The following PCDHA4 variants were observed in gnomAD, a reference collection of about 807,000 sequenced individuals.
The protein encoded by PCDHA4 is protocadherin alpha-4.
PCDHA4 carries 49 observed loss-of-function variants against 61.4 expected under a neutral mutation model. That is an observed-to-expected ratio of 0.80 (90% CI 0.63 to 1.01). The LOEUF (loss-of-function observed/expected upper bound fraction) is 1.01, where lower values mean the gene tolerates loss of function less well. PCDHA4 is among the 50% of genes least tolerant of loss of function. The pLI, the probability that PCDHA4 is intolerant of heterozygous loss-of-function variation, is 0.00. For synonymous variants in PCDHA4, 590 were observed against 550.3 expected (o/e 1.07, Z -1.01); for missense variants, 1,254 against 1,235.8 (o/e 1.01, Z -0.22).
chr5:140,953,713 A>T (rs1372806666), intron 1 of PCDHA4, among the ~76,000 whole-genome samples: 1 of 152,218 alleles, frequency 6.6e-6, no homozygotes, highest in Admixed American at 6.5e-5. Context: ...TGAGCTTCAG[A>T]CATTGTGTTT....
Position 140,977,158 on chromosome 5 carries a change from A to G in PCDHA4, c.2386-1791A>G, listed in dbSNP as rs6862693. Among the ~76,000 whole-genome samples, 983 of 152,340 alleles carry G rather than the reference A, an allele frequency of 6.5e-3. 6 individuals carry two copies. The highest frequency in any genetic ancestry group is 0.023 in the African/African-American group (951 of 41,586). ...CAGTCCTGCTGGAACTGTGCCTTTC[A>G]GCAAAATGAGTTTGATGATTTCATT... On this transcript the variant is annotated intron_variant, in intron 1 of 3. Transcript: ENST00000530339.
chr5:140,959,729 C>T (rs910806194), intron 1 of PCDHA4, among the ~76,000 whole-genome samples: 3 of 152,126 alleles, frequency 2.0e-5, no homozygotes, highest in South Asian at 4.1e-4. Context: ...ATAACATTAT[C>T]TCATCAAAAT....
chr5:140,937,599 A>T (rs2091614434), intron 1 of PCDHA4, among the ~76,000 whole-genome samples: 3 of 151,728 alleles, frequency 2.0e-5, no homozygotes, highest in African/African-American at 7.3e-5. Context: ...CCTGGGCAAC[A>T]GAGTGATACT....
chr5:140,823,587 T>G (rs2150127210), intron 1 of PCDHA4: 9 of 1,613,996 alleles, frequency 5.6e-6, no homozygotes, highest in East Asian at 2.2e-5. Context: ...GCTACAACGC[T>G]TGGCTTTCGT....
At chr5:140,982,650 CTCTTTT>C (rs2096993978) in intron 3 of PCDHA4, 87 bp downstream of exon 3, 1 of 1,507,000 alleles carries the variant, frequency 6.6e-7, no homozygotes, top group South Asian at 1.3e-5. Context: ...ATGTTGATGG[CTCTTTT>C]TCTTTTATAT....
intron 1 of PCDHA4, chr5:140,876,767 C>G (rs1462172871): frequency 6.2e-7 from 1 of 1,614,076 alleles, no homozygotes. Flanking sequence ...GATGGGGGCT[C>G]GCCTTCGCTG....
At chr5:140,904,471 C>G (rs2071156688) in intron 1 of PCDHA4, among the ~76,000 whole-genome samples, 1 of 151,730 alleles carries the variant, frequency 6.6e-6, no homozygotes, top group Non-Finnish European at 1.5e-5. Context: ...TGATTGGTGG[C>G]TATTTGGTCT....
chr5:140,822,987 C>T, intron 1 of PCDHA4: 4 of 1,614,254 alleles, frequency 2.5e-6, no homozygotes, highest in East Asian at 2.2e-5. Flanking sequence ...AGAATTACTA[C>T]TCGTTGGTGC....
chr5:140,911,605 T>C (rs2075559169), intron 1 of PCDHA4, among the ~76,000 whole-genome samples: 1 of 152,224 alleles, frequency 6.6e-6, no homozygotes, highest in Non-Finnish European at 1.5e-5. Context: ...AACTTCATTA[T>C]GTTCCTTAGT....
chr5:140,922,358 A>T (rs1273986507), intron 1 of PCDHA4, among the ~76,000 whole-genome samples: 2 of 152,212 alleles, frequency 1.3e-5, no homozygotes, highest in African/African-American at 4.8e-5. Flanking sequence ...TAGAGTAGTG[A>T]TTCTCACTGA....
intron 1 of PCDHA4, among the ~76,000 whole-genome samples, chr5:140,908,762 C>T (rs962553584): frequency 7.9e-5 from 12 of 152,104 alleles, no homozygotes; most frequent in Admixed American, 2.6e-4. Flanking sequence ...ACAGCCTGGA[C>T]GTGTTGTAGA....
intron 1 of PCDHA4, chr5:140,862,442 C>A: frequency 2.8e-6 from 1 of 361,562 alleles, no homozygotes. Flanking sequence ...CGTTGGTACT[C>A]CACAGCGCCC....
chr5:140,856,851 C>A, intron 1 of PCDHA4: 1 of 1,593,160 alleles, frequency 6.3e-7, no homozygotes. Flanking sequence ...GCTTCTGATT[C>A]GGATGAAGGA....
intron 1 of PCDHA4, among the ~76,000 whole-genome samples, chr5:140,925,028 T>C (rs2082253756): frequency 6.6e-6 from 1 of 151,580 alleles, no homozygotes; most frequent in Admixed American, 6.6e-5. Context: ...GGAGGATCGC[T>C]TGAGCCCAGA....
At chr5:140,995,698 G>A (rs963042409) in intron 3 of PCDHA4, among the ~76,000 whole-genome samples, 2 of 152,104 alleles carry the variant, frequency 1.3e-5, no homozygotes, top group African/African-American at 2.4e-5. Flanking sequence ...TTAAATAAAG[G>A]GCTGGGCTTG....
rs782615790 is a variant in PCDHA4 at position 140,808,796 on chromosome 5, G to A, written c.1609G>A (p.Ala537Thr). ...AGAGCTGCTGCAGTTTCAGGTGACC[G>A]CTCGCGATGCCGGCGTGCCACCTCT... ...ELELLQFQVT[A>T]RDAGVPPLGS... The change falls in exon 1 of 4, where the codon GCT becomes ACT. Residue 537 changes from alanine (A) to threonine (T), a missense_variant. Coordinates refer to ENST00000530339, the MANE Select transcript of PCDHA4 (RefSeq NM_018907.4). 6.2e-7 allele frequency: 1 copy of A among 1,612,614 alleles called. No individual in the cohort carries two copies. The highest frequency in any genetic ancestry group is 1.1e-5 in the South Asian group (1 of 91,022).
chr5:140,897,937 C>T (rs1487544322), intron 1 of PCDHA4, among the ~76,000 whole-genome samples: 7 of 152,184 alleles, frequency 4.6e-5, no homozygotes, highest in African/African-American at 1.7e-4. Flanking sequence ...CTCTGATGGC[C>T]AGTGATGATT....
chr5:141,002,598 C>T (rs2098087385), intron 3 of PCDHA4, among the ~76,000 whole-genome samples: 1 of 152,212 alleles, frequency 6.6e-6, no homozygotes, highest in Admixed American at 6.5e-5. Flanking sequence ...GTCCCCTCAT[C>T]TATAAAACAG....
intron 1 of PCDHA4, chr5:140,859,995 A>C (rs1279929843): frequency 6.6e-6 from 1 of 152,046 alleles, no homozygotes; most frequent in Non-Finnish European, 1.5e-5. Context: ...CTCTCCATCA[A>C]TACTAACTTA....
Sources: gnomAD v4.1 joint callset for allele counts (sites outside exome capture counted in the v4.1 genomes callset) on GRCh38, gnomAD v4.1.1 for gene constraint, MANE v1.5 for transcripts, NCBI Gene and HGNC (gene_info 2026-07-23, HGNC 2026-07-21) for gene names.